Variants in CRTC3 observed in about 807,000 individuals in gnomAD.
The protein encoded by CRTC3 is CREB-regulated transcription coactivator 3.
CRTC3 carries 26 observed loss-of-function variants against 74.5 expected under a neutral mutation model. That is an observed-to-expected ratio of 0.35 (90% CI 0.26 to 0.48). The LOEUF is 0.48. Ranked by LOEUF, CRTC3 falls within the 20% of genes least tolerant of loss-of-function variation. CRTC3 has a pLI of 0.99. For synonymous variants in CRTC3, 377 were observed against 325.8 expected, an observed-to-expected ratio of 1.16 and a Z score of -1.69; for missense variants, 760 against 787.3, an observed-to-expected ratio of 0.97 and a Z score of 0.41.
chr15:90,541,469 A>G (rs891493680), intron 2 of CRTC3, among the ~76,000 whole-genome samples: 11 of 152,204 alleles, frequency 7.2e-5, no homozygotes, highest in African/African-American at 2.7e-4. Flanking sequence ...TTGCACCGGA[A>G]TCTTGTCTTC....
chr15:90,553,391 A>G (rs191948356), intron 2 of CRTC3, among the ~76,000 whole-genome samples: 1 of 152,366 alleles, frequency 6.6e-6, no homozygotes, highest in East Asian at 1.9e-4. Context: ...TGGAATGTGC[A>G]TCTGTCCCGA....
At chr15:90,639,505 A>G (rs1459974533) in intron 13 of CRTC3, among the ~76,000 whole-genome samples, 1 of 143,990 alleles carries the variant, frequency 6.9e-6, no homozygotes, top group Non-Finnish European at 1.5e-5. Flanking sequence ...GCTGGAGTGC[A>G]GTGGCGTGAT....
rs182552748 is a variant in CRTC3 at position 90,621,318 on chromosome 15, T to A, written c.749+1528T>A. ...TTTTGTTGTTGTTGTTTAGTTAGTT[T>A]GTTTGTATTTATTTATTTATTTGAG... On this transcript the variant is annotated intron_variant, in intron 9 of 14. Coordinates refer to ENST00000268184, the MANE Select transcript of CRTC3 (RefSeq NM_022769.5). Among the ~76,000 whole-genome samples the A allele has an allele frequency of 1.8e-4, 28 of 151,980 alleles. No homozygotes were observed. The East Asian group carries it at 2.7e-3, about 15-fold the overall frequency.
chr15:90,559,797 G>A (rs940947357), intron 2 of CRTC3, among the ~76,000 whole-genome samples: 5 of 152,092 alleles, frequency 3.3e-5, no homozygotes, highest in African/African-American at 1.2e-4. Flanking sequence ...GCTAATTTTT[G>A]TTACCCGGCT....
chr15:90,579,634 CT>C (rs146273285), intron 2 of CRTC3, among the ~76,000 whole-genome samples: 1,055 of 84,120 alleles, frequency 0.013, 7 homozygotes, highest in African/African-American at 0.026. Flanking sequence ...ACGTATTTCA[CT>C]TTTTTTTTTT....
chr15:90,544,966 A>G (rs144419249), intron 2 of CRTC3, among the ~76,000 whole-genome samples: 1 of 152,236 alleles, frequency 6.6e-6, no homozygotes, highest in Admixed American at 6.5e-5. Context: ...TTCATCTGAC[A>G]AAACTGAAAT....
At chr15:90,538,740 G>T (rs1213611973) in intron 1 of CRTC3, among the ~76,000 whole-genome samples, 1 of 148,876 alleles carries the variant, frequency 6.7e-6, no homozygotes, top group Non-Finnish European at 1.5e-5. Flanking sequence ...AGCTTCATAG[G>T]TTCAACAATG....
intron 6 of CRTC3, among the ~76,000 whole-genome samples, chr15:90,609,689 C>T (rs1968313018): frequency 6.6e-6 from 1 of 152,190 alleles, no homozygotes; most frequent in African/African-American, 2.4e-5. Flanking sequence ...CTGAAGTATT[C>T]ATTCTTAGCG....
intron 11 of CRTC3, among the ~76,000 whole-genome samples, chr15:90,635,797 C>T (rs1354633457): frequency 1.3e-5 from 2 of 152,144 alleles, no homozygotes; most frequent in Non-Finnish European, 2.9e-5. Context: ...TCTTAAGATT[C>T]GATCGTGAAA....
intron 2 of CRTC3, among the ~76,000 whole-genome samples, chr15:90,546,097 A>G (rs1310992528): frequency 6.6e-6 from 1 of 152,104 alleles, no homozygotes; most frequent in African/African-American, 2.4e-5. Flanking sequence ...CTTTTGTCTT[A>G]TCTATTAATA....
chr15:90,530,115 T>C lies in CRTC3; in HGVS notation c.44T>C (p.Phe15Ser). The C allele has an allele frequency of 6.9e-7, 1 of 1,458,298 alleles. No individual in the cohort carries two copies. Among genetic ancestry groups the C allele is most frequent in the Non-Finnish European group, 9.2e-7 (1 of 1,090,156 alleles). 90.3% of individuals were successfully genotyped at this position (1,458,298 alleles called of 1,614,324 possible). Residue 15 changes from phenylalanine (F) to serine (S), a missense_variant, in exon 1 of 15, where the codon TTC (phenylalanine) becomes TCC (serine). Physicochemically the swap from Phe to Ser is radical, Grantham distance 155 (BLOSUM62 -2). Around this residue, in one of 2 missense-constraint regions of CRTC3, gnomAD observed 108 missense variants for 152.1 expected, o/e 0.71. Transcript: ENST00000268184. This position sits in a 1 kb window ranked among gnomAD's most constrained non-coding sequence, Gnocchi z 6.2. ...PGSGSANPRK[F>S]SEKIALHTQR... ...TCGGGCAGCGCCAACCCGCGGAAGT[T>C]CAGTGAGAAGATCGCGCTGCACACG...
chr15:90,566,114 C>T (rs1358921353), intron 2 of CRTC3, among the ~76,000 whole-genome samples: 1 of 152,172 alleles, frequency 6.6e-6, no homozygotes, highest in Admixed American at 6.5e-5. Flanking sequence ...ATAGATCAAA[C>T]TAGCCACCAC....
At chr15:90,575,872 G>A (rs1046186848) in intron 2 of CRTC3, among the ~76,000 whole-genome samples, 1 of 152,108 alleles carries the variant, frequency 6.6e-6, no homozygotes, top group African/African-American at 2.4e-5. Flanking sequence ...CCAACCAAAT[G>A]AACTTTAAAA....
intron 2 of CRTC3, among the ~76,000 whole-genome samples, chr15:90,567,271 A>C (rs1408126261): frequency 6.6e-6 from 1 of 152,144 alleles, no homozygotes; most frequent in Non-Finnish European, 1.5e-5. Flanking sequence ...TGTTTGCAGC[A>C]TGGTTTACTG....
At chr15:90,577,216 C>T (rs1019288874) in intron 2 of CRTC3, among the ~76,000 whole-genome samples, 4 of 152,102 alleles carry the variant, frequency 2.6e-5, no homozygotes, top group African/African-American at 9.7e-5. Context: ...CAGGAGCCAC[C>T]AGGCCCAGCC....
chr15:90,610,884 C>T (rs1289324445), intron 6 of CRTC3, among the ~76,000 whole-genome samples: 2 of 152,166 alleles, frequency 1.3e-5, no homozygotes, highest in Non-Finnish European at 2.9e-5. Flanking sequence ...TAGGTGTCTT[C>T]TCTGCATCCA....
intron 11 of CRTC3, among the ~76,000 whole-genome samples, chr15:90,630,463 A>C (rs1245521573): frequency 6.6e-6 from 1 of 152,190 alleles, no homozygotes; most frequent in Admixed American, 6.5e-5. Context: ...AAAAATGGAA[A>C]AATTAGCTGG....
intron 4 of CRTC3, among the ~76,000 whole-genome samples, chr15:90,602,846 T>TGGCGGGC (rs1968110177): frequency 6.6e-6 from 1 of 151,906 alleles, no homozygotes; most frequent in Non-Finnish European, 1.5e-5. Flanking sequence ...TGACAGCACA[T>TGGCGGGC]GCCTGTAATC....
intron 9 of CRTC3, among the ~76,000 whole-genome samples, chr15:90,620,993 C>G (rs991791935): frequency 6.6e-6 from 1 of 152,098 alleles, no homozygotes; most frequent in African/African-American, 2.4e-5. Context: ...AGCTGCGCCA[C>G]GGGTTGATGT....
Sources: allele counts gnomAD v4.1 joint callset (sites outside exome capture counted in the v4.1 genomes callset), GRCh38; gene constraint gnomAD v4.1.1; regional missense constraint gnomAD v4.1.1; non-coding constraint Gnocchi (gnomAD v3.1); transcripts MANE v1.5; gene names NCBI Gene and HGNC (gene_info 2026-07-23, HGNC 2026-07-21).